The following FBXL7 variants were observed in gnomAD, a reference collection of about 807,000 sequenced individuals.
FBXL7 encodes F-box/LRR-repeat protein 7.
A neutral mutation model predicts 38.3 loss-of-function variants in FBXL7; 12 were observed. The observed-to-expected ratio is 0.31, with a 90% CI of 0.20 to 0.51. The LOEUF is 0.51. Among genes scored for constraint, FBXL7 ranks in the 20% least tolerant of loss-of-function variants. The pLI, the probability that FBXL7 is intolerant of heterozygous loss-of-function variation, is 0.98. For synonymous variants in FBXL7, 297 were observed against 300.9 expected (o/e 0.99, Z 0.13); for missense variants, 567 against 676.4 (o/e 0.84, Z 1.79).
chr5:15,563,054 A>G (rs1738462786), intron 1 of FBXL7, among the ~76,000 whole-genome samples: 1 of 152,084 alleles, frequency 6.6e-6, no homozygotes, highest in Non-Finnish European at 1.5e-5. Context: ...ATAGACACTT[A>G]GTTGTTTCCT....
intron 2 of FBXL7, among the ~76,000 whole-genome samples, chr5:15,889,296 C>A (rs920132406): frequency 2.7e-4 from 41 of 152,302 alleles, no homozygotes; most frequent in African/African-American, 9.6e-4. Context: ...TTCTGATACA[C>A]CCCCAAACAT....
At chr5:15,895,565 C>G (rs1230870468) in intron 2 of FBXL7, among the ~76,000 whole-genome samples, 1 of 151,266 alleles carries the variant, frequency 6.6e-6, no homozygotes, top group Non-Finnish European at 1.5e-5. Flanking sequence ...GTGAACATCT[C>G]CAATTATTTA....
chr5:15,866,010 T>C (rs539364009), intron 2 of FBXL7, among the ~76,000 whole-genome samples: 1 of 152,306 alleles, frequency 6.6e-6, no homozygotes, highest in African/African-American at 2.4e-5. Context: ...CCCATTCTTA[T>C]TATCTTTAAA....
chr5:15,831,384 G>A (rs1738452571), intron 2 of FBXL7, among the ~76,000 whole-genome samples: 1 of 152,170 alleles, frequency 6.6e-6, no homozygotes, highest in Non-Finnish European at 1.5e-5. Flanking sequence ...GGAACAGGAG[G>A]CAAACCCAGG....
Position 15,903,140 on chromosome 5 carries a change from G to A in FBXL7, c.128-24750G>A, listed in dbSNP as rs547812225. Reference sequence around the variant, plus strand: ...CATTTCAAAGTCGATATTAAACTTCGTGTATAACATTTCAGGAGCAATCGA... The same window carrying A: ...CATTTCAAAGTCGATATTAAACTTCATGTATAACATTTCAGGAGCAATCGA... On this transcript the variant is annotated intron_variant, in intron 2 of 3. Transcript: ENST00000504595. Among the ~76,000 whole-genome samples the A allele has an allele frequency of 2.0e-5, 3 of 152,318 alleles. No homozygotes were observed. The East Asian group carries it at 5.8e-4, about 29-fold the overall frequency.
chr5:15,569,649 G>A (rs1477228706), intron 1 of FBXL7, among the ~76,000 whole-genome samples: 1 of 151,868 alleles, frequency 6.6e-6, no homozygotes, highest in African/African-American at 2.4e-5. Flanking sequence ...TGGTGAGAGA[G>A]GGCATCCCTG....
chr5:15,520,871 G>A (rs969605371), intron 1 of FBXL7, among the ~76,000 whole-genome samples: 1 of 152,222 alleles, frequency 6.6e-6, no homozygotes, highest in African/African-American at 2.4e-5. Flanking sequence ...TCCAGGGGTT[G>A]TGTGGCATGC....
chr5:15,735,423 T>G (rs974934373), intron 2 of FBXL7, among the ~76,000 whole-genome samples: 2 of 152,158 alleles, frequency 1.3e-5, no homozygotes, highest in African/African-American at 2.4e-5. Context: ...AGCCAATTGC[T>G]TCTAGGTGTG....
chr5:15,542,952 G>C (rs1389565137), intron 1 of FBXL7, among the ~76,000 whole-genome samples: 1 of 152,104 alleles, frequency 6.6e-6, no homozygotes, highest in Non-Finnish European at 1.5e-5. Context: ...CAGGGAATGG[G>C]GTGATCTACC....
At chr5:15,605,519 A>G (rs1739976640) in intron 1 of FBXL7, among the ~76,000 whole-genome samples, 2 of 152,216 alleles carry the variant, frequency 1.3e-5, no homozygotes, top group Non-Finnish European at 2.9e-5. Flanking sequence ...CTTGTATGAA[A>G]TATCTAGAAC....
Position 15,845,887 on chromosome 5 carries a change from C to T in FBXL7, c.128-82003C>T, listed in dbSNP as rs149276842. On this transcript the variant is annotated intron_variant, in intron 2 of 3. Coordinates refer to ENST00000504595, the MANE Select transcript of FBXL7 (RefSeq NM_012304.5). ...TCGGGAGGCTGAGGCAGGAGAATGG[C>T]GTGAACCCCAGGAGGCGGAGCTTGC... 5.5e-3 allele frequency among the ~76,000 whole-genome samples: 845 copies of T among 152,280 alleles called. 5 individuals carry two copies. The highest frequency in any genetic ancestry group is 0.019 in the African/African-American group (798 of 41,560).
At chr5:15,537,556 G>A (rs1031798868) in intron 1 of FBXL7, among the ~76,000 whole-genome samples, 11 of 152,230 alleles carry the variant, frequency 7.2e-5, no homozygotes, top group Admixed American at 7.2e-4. Flanking sequence ...TGGGGTTGGT[G>A]AGGCAAGAGA....
intron 1 of FBXL7, among the ~76,000 whole-genome samples, chr5:15,546,973 G>A (rs1737917407): frequency 6.6e-6 from 1 of 152,186 alleles, no homozygotes; most frequent in South Asian, 2.1e-4. Flanking sequence ...CATCGTAGTT[G>A]ACACACCAAT....
At chr5:15,834,456 A>G (rs1409042003) in intron 2 of FBXL7, among the ~76,000 whole-genome samples, 1 of 152,158 alleles carries the variant, frequency 6.6e-6, no homozygotes. Context: ...GTATTTTTAC[A>G]CCAGTTTTCT....
At chr5:15,887,043 T>G (rs1740705151) in intron 2 of FBXL7, among the ~76,000 whole-genome samples, 1 of 152,164 alleles carries the variant, frequency 6.6e-6, no homozygotes. Context: ...ACAAATTGCT[T>G]TTTCTAAACA....
At chr5:15,731,277 A>G (rs564520204) in intron 2 of FBXL7, among the ~76,000 whole-genome samples, 1 of 152,364 alleles carries the variant, frequency 6.6e-6, no homozygotes, top group East Asian at 1.9e-4. Flanking sequence ...TCACAGTTCC[A>G]CGTGGCTAGG....
In FBXL7 at chr5:15,842,393, G is replaced by A. The variant is rs191949425; in HGVS notation, c.128-85497G>A. ...CCCAATACCTGTACCCACATTGTAC[G>A]TGGGAAGTAACTAACTTTCTTTCGA... On this transcript the variant is annotated intron_variant, in intron 2 of 3. Coordinates refer to ENST00000504595, the MANE Select transcript of FBXL7 (RefSeq NM_012304.5). 2.2e-4 allele frequency among the ~76,000 whole-genome samples: 33 copies of A among 152,290 alleles called. 1 individual carries two copies. The highest frequency in any genetic ancestry group is 5.1e-4 in the African/African-American group (21 of 41,560).
chr5:15,848,190 TTA>T (rs1738973641), intron 2 of FBXL7, among the ~76,000 whole-genome samples: 1 of 151,962 alleles, frequency 6.6e-6, no homozygotes, highest in Non-Finnish European at 1.5e-5. Flanking sequence ...GTATGTACAA[TTA>T]TGTTCTTTGA....
intron 2 of FBXL7, among the ~76,000 whole-genome samples, chr5:15,835,252 G>T (rs193036108): frequency 1.1e-4 from 17 of 152,296 alleles, no homozygotes; most frequent in Non-Finnish European, 2.2e-4. Flanking sequence ...AAATGAAATG[G>T]CCGGTACTTT....
Sources: allele counts gnomAD v4.1 joint callset (sites outside exome capture counted in the v4.1 genomes callset), GRCh38; gene constraint gnomAD v4.1.1; transcripts MANE v1.5; gene names NCBI Gene and HGNC (gene_info 2026-07-23, HGNC 2026-07-21).